The following WWOX variants were observed in gnomAD, a reference collection of about 807,000 sequenced individuals.
The protein encoded by WWOX is WW domain containing oxidoreductase.
A neutral mutation model predicts 46.2 loss-of-function variants in WWOX; 69 were observed. The observed-to-expected ratio is 1.49, with a 90% CI of 1.23 to 1.82. The LOEUF (loss-of-function observed/expected upper bound fraction) is 1.82. WWOX is among the 40% of genes most tolerant of loss of function. WWOX has a pLI of 0.00. For synonymous variants in WWOX, 359 were observed against 202.6 expected (o/e 1.77, Z -6.56); for missense variants, 919 against 542.6 (o/e 1.69, Z -6.89).
chr16:78,731,740 C>T (rs2048973493), intron 8 of WWOX, among the ~76,000 whole-genome samples: 1 of 151,968 alleles, frequency 6.6e-6, no homozygotes, highest in African/African-American at 2.4e-5. Flanking sequence ...AGGGTGCAGA[C>T]TGGGCAGTAG....
intron 8 of WWOX, among the ~76,000 whole-genome samples, chr16:78,771,958 C>T (rs938405817): frequency 3.9e-5 from 6 of 152,142 alleles, no homozygotes; most frequent in Non-Finnish European, 7.3e-5. Flanking sequence ...AAAAATGATA[C>T]TTCCCTCTCA....
At chr16:78,184,752 A>G (rs1250168312) in intron 5 of WWOX, among the ~76,000 whole-genome samples, 1 of 152,210 alleles carries the variant, frequency 6.6e-6, no homozygotes, top group Non-Finnish European at 1.5e-5. Context: ...AGTCTGGGTT[A>G]TATAGCAGAT....
chr16:79,143,170 T>G (rs1057302793), intron 8 of WWOX, among the ~76,000 whole-genome samples: 1 of 152,224 alleles, frequency 6.6e-6, no homozygotes. Context: ...TCATTCCAGG[T>G]AGCTGCAGAT....
chr16:79,165,529 T>A (rs1184229907), intron 8 of WWOX, among the ~76,000 whole-genome samples: 1 of 152,208 alleles, frequency 6.6e-6, no homozygotes, highest in South Asian at 2.1e-4. Context: ...TCTTTGTTTA[T>A]GTTGGTGTTT....
At chr16:78,734,535 G>C (rs1255891120) in intron 8 of WWOX, among the ~76,000 whole-genome samples, 1 of 152,042 alleles carries the variant, frequency 6.6e-6, no homozygotes, top group Non-Finnish European at 1.5e-5. Context: ...CTCAGACCTT[G>C]GACCTCACTG....
intron 8 of WWOX, chr16:78,551,882 G>C (rs552490057): frequency 6.6e-6 from 1 of 152,282 alleles, no homozygotes; most frequent in East Asian, 1.9e-4. Flanking sequence ...GCCCAAGCAG[G>C]TGTTGTTTCT....
intron 8 of WWOX, among the ~76,000 whole-genome samples, chr16:78,846,935 A>T (rs971444332): frequency 6.6e-6 from 1 of 152,162 alleles, no homozygotes; most frequent in African/African-American, 2.4e-5. Flanking sequence ...TATTTAGTTT[A>T]TTCTGTAGGT....
chr16:78,936,324 G>C (rs1165743561), intron 8 of WWOX, among the ~76,000 whole-genome samples: 4 of 152,142 alleles, frequency 2.6e-5, no homozygotes, highest in African/African-American at 9.7e-5. Context: ...TCCCAAGCGA[G>C]TTTTCCCTGG....
rs34182797 is a variant in WWOX, at chr16:78,621,592, CTTTTTTTTTT to C, written c.1056+188861_1056+188870del. ...ACCTTTAACCTTGTGTTGTTCTAAT[CTTTTTTTTTT>C]TTTTTTTTTTTTTTTTTTTTGAGAC... On this transcript the variant is annotated intron_variant, in intron 8 of 8. Coordinates refer to ENST00000566780, the MANE Select transcript of WWOX (RefSeq NM_016373.4). Among the ~76,000 whole-genome samples the C allele has an allele frequency of 5.8e-3, 183 of 31,538 alleles. 1 individual carries two copies. The highest frequency in any genetic ancestry group is 0.02 in the African/African-American group (151 of 7,724). The allele number at this position is 31,538 out of a possible 152,430, so 20.7% of individuals were successfully genotyped here.
chr16:78,566,860 T>A (rs1230047646), intron 8 of WWOX, among the ~76,000 whole-genome samples: 1 of 152,180 alleles, frequency 6.6e-6, no homozygotes, highest in East Asian at 1.9e-4. Flanking sequence ...TGTCATCAGT[T>A]CAGAGTTGAA....
chr16:78,433,844 C>T (rs933751661), intron 8 of WWOX, among the ~76,000 whole-genome samples: 16 of 125,458 alleles, frequency 1.3e-4, no homozygotes, highest in Admixed American at 1.1e-3. Context: ...GGCTGGAGTG[C>T]AGTGGCGGGA....
At chr16:78,334,917 CTTTT>C (rs202225216) in intron 5 of WWOX, among the ~76,000 whole-genome samples, 3 of 109,860 alleles carry the variant, frequency 2.7e-5, no homozygotes, top group African/African-American at 1.4e-4. Context: ...GAGATACCAT[CTTTT>C]TTTAAAAAAA....
intron 8 of WWOX, among the ~76,000 whole-genome samples, chr16:78,574,456 T>A (rs2044797868): frequency 6.6e-6 from 1 of 152,098 alleles, no homozygotes; most frequent in Non-Finnish European, 1.5e-5. Context: ...CTCTGAAGAC[T>A]GTAAGACCTG....
intron 8 of WWOX, among the ~76,000 whole-genome samples, chr16:79,093,572 C>A (rs887023558): frequency 6.6e-6 from 1 of 152,112 alleles, no homozygotes; most frequent in Non-Finnish European, 1.5e-5. Context: ...AGGCAGTGGG[C>A]CCACTTCACC....
chr16:78,942,042 C>G (rs984564137), intron 8 of WWOX, among the ~76,000 whole-genome samples: 1 of 152,112 alleles, frequency 6.6e-6, no homozygotes, highest in Non-Finnish European at 1.5e-5. Flanking sequence ...TCTACCTCGC[C>G]TGGTCTAGCC....
chr16:78,365,865 T>C (rs964005635), intron 5 of WWOX, among the ~76,000 whole-genome samples: 2 of 152,352 alleles, frequency 1.3e-5, no homozygotes, highest in African/African-American at 4.8e-5. Context: ...TGTATAGTTC[T>C]CCTTTCCTTA....
chr16:78,683,101 C>G (rs938898989), intron 8 of WWOX, among the ~76,000 whole-genome samples: 3 of 152,136 alleles, frequency 2.0e-5, no homozygotes, highest in Admixed American at 6.5e-5. Flanking sequence ...TTGTTTTGTT[C>G]TATCCCAGAA....
chr16:79,186,413 C>T (rs1025327150), intron 8 of WWOX, among the ~76,000 whole-genome samples: 8 of 152,204 alleles, frequency 5.3e-5, no homozygotes, highest in African/African-American at 1.4e-4. Flanking sequence ...TCCTGGCTTG[C>T]AGCTGCAACT....
chr16:79,208,195 G>A (rs1002977095), intron 8 of WWOX, among the ~76,000 whole-genome samples: 1 of 152,168 alleles, frequency 6.6e-6, no homozygotes, highest in African/African-American at 2.4e-5. Flanking sequence ...GCTCACAAAT[G>A]TTTGACTAGA....
Sources: gnomAD v4.1 joint callset for allele counts (sites outside exome capture counted in the v4.1 genomes callset) on GRCh38, gnomAD v4.1.1 for gene constraint, MANE v1.5 for transcripts, NCBI Gene and HGNC (gene_info 2026-07-23, HGNC 2026-07-21) for gene names.